Variants in AFF2 observed in about 807,000 individuals in gnomAD.
The protein encoded by AFF2 is ALF transcription elongation factor 2.
A neutral mutation model predicts 76.9 loss-of-function variants in AFF2; 14 were observed. That is an observed-to-expected ratio of 0.18 (90% CI 0.12 to 0.28). AFF2 has a LOEUF of 0.28. AFF2 is among the 10% of genes least tolerant of loss of function. The pLI is 1.00. For missense variants in AFF2, 868 were observed against 1,001.1 expected (o/e 0.87, Z 1.79); for synonymous variants, 398 against 366.7 (o/e 1.09, Z -0.98).
At chrX:148,506,390 A>G (rs2052418256) in intron 1 of AFF2, among the ~76,000 whole-genome samples, 2 of 111,856 alleles carry the variant, frequency 1.8e-5, no homozygotes, top group Admixed American at 9.5e-5. Flanking sequence ...TTTAGCCGTC[A>G]CTGAAACAAA....
intron 3 of AFF2, among the ~76,000 whole-genome samples, chrX:148,697,289 T>C (rs1557261383): frequency 8.9e-6 from 1 of 112,594 alleles, no homozygotes; most frequent in Non-Finnish European, 1.9e-5. Context: ...ATTTTTAATA[T>C]ACCAAATGTT....
At chrX:148,710,437 C>T (rs1412289921) in intron 3 of AFF2, among the ~76,000 whole-genome samples, 1 of 111,653 alleles carries the variant, frequency 9.0e-6, no homozygotes, top group Non-Finnish European at 1.9e-5. Context: ...CAAATGGAAA[C>T]ATTTAAATTC....
At chrX:148,763,470 AT>A (rs1164034107) in intron 3 of AFF2, among the ~76,000 whole-genome samples, 160 of 102,394 alleles carry the variant, frequency 1.6e-3, no homozygotes, top group Admixed American at 3.1e-3. Flanking sequence ...CTTCCACCTG[AT>A]TTTTTTTTTT....
Position 148,880,709 on chromosome X carries a change from T to C in AFF2, c.1263-5180T>C, listed in dbSNP as rs140987902. ...AGAAGTTATAGCTCTATGTTTTAGTTAAGAGCTTAAAACCTGAGTGTAATA... is the reference window on the plus strand; with the variant it reads ...AGAAGTTATAGCTCTATGTTTTAGTCAAGAGCTTAAAACCTGAGTGTAATA... On this transcript the variant is annotated intron_variant, in intron 7 of 20. Coordinates refer to ENST00000370460, the MANE Select transcript of AFF2 (RefSeq NM_002025.4). Among the ~76,000 whole-genome samples, 21 of 111,740 alleles carry C rather than the reference T, an allele frequency of 1.9e-4. No homozygotes were observed. In the East Asian group the frequency reaches 6.0e-3, roughly 32 times the overall value.
At chrX:148,749,947 C>CTCTA (rs376626217) in intron 3 of AFF2, among the ~76,000 whole-genome samples, 2 of 101,739 alleles carry the variant, frequency 2.0e-5, no homozygotes, top group Non-Finnish European at 4.0e-5. Flanking sequence ...GGCCTGCACC[C>CTCTA]TTTATTTATT....
At chrX:148,567,746 C>T (rs1557241873) in intron 1 of AFF2, among the ~76,000 whole-genome samples, 1 of 111,723 alleles carries the variant, frequency 9.0e-6, no homozygotes, top group Non-Finnish European at 1.9e-5. Context: ...TTACTCAGCC[C>T]ATTGTTCTTT....
chrX:148,727,050 T>G (rs116311775), intron 3 of AFF2, among the ~76,000 whole-genome samples: 56 of 112,168 alleles, frequency 5.0e-4, no homozygotes, highest in African/African-American at 1.8e-3. Context: ...ATTTAAATGT[T>G]TATTTATTTA....
chrX:148,662,941 A>G (rs1557258042), intron 3 of AFF2, among the ~76,000 whole-genome samples, 173 bp downstream of exon 3: 1 of 112,222 alleles, frequency 8.9e-6, no homozygotes, highest in Non-Finnish European at 1.9e-5. Context: ...TAACTGATTA[A>G]CACGCTGCAA....
rs370155140 is a variant in AFF2, at chrX:148,919,479, A to G, written c.1397+15221A>G. The stretch of plus-strand genomic sequence containing the variant: ...GGATTTGTCTTTCAAGTGAAAGCAT[A>G]TTGGGAAGCCTTCTGAAACCTCATC... On this transcript the variant is annotated intron_variant, in intron 9 of 20. Coordinates refer to ENST00000370460, the MANE Select transcript of AFF2 (RefSeq NM_002025.4). 3.1e-4 allele frequency among the ~76,000 whole-genome samples: 34 copies of G among 111,064 alleles called. No individual in the cohort carries two copies. In the South Asian group the frequency reaches 0.012, roughly 40 times the overall value.
chrX:148,638,357 C>T (rs977102875), intron 1 of AFF2, among the ~76,000 whole-genome samples: 18 of 110,391 alleles, frequency 1.6e-4, no homozygotes, highest in South Asian at 3.9e-4. Flanking sequence ...CATGGTGGCC[C>T]GGAGGGGAGA....
At chrX:148,644,315 A>C (rs1413373987) in intron 1 of AFF2, among the ~76,000 whole-genome samples, 3 of 111,382 alleles carry the variant, frequency 2.7e-5, no homozygotes, top group African/African-American at 9.8e-5. Flanking sequence ...CTTTATGACC[A>C]AGAGGGTGGC....
At chrX:148,595,116 T>C (rs1316839282) in intron 1 of AFF2, among the ~76,000 whole-genome samples, 1 of 112,063 alleles carries the variant, frequency 8.9e-6, no homozygotes, top group African/African-American at 3.2e-5. Context: ...TGGGACAGAA[T>C]AGCTTTGGAT....
At chrX:148,636,663 T>C (rs2054034472) in intron 1 of AFF2, among the ~76,000 whole-genome samples, 1 of 112,166 alleles carries the variant, frequency 8.9e-6, no homozygotes, top group African/African-American at 3.2e-5. Context: ...TTAATTTTGA[T>C]AGATTGGCTA....
chrX:148,970,929 C>T (rs1327808871), intron 15 of AFF2, among the ~76,000 whole-genome samples: 2 of 111,418 alleles, frequency 1.8e-5, no homozygotes, highest in South Asian at 3.8e-4. Context: ...CTATAGGACA[C>T]TACAATGAGC....
intron 1 of AFF2, among the ~76,000 whole-genome samples, chrX:148,636,328 G>A (rs2054030718): frequency 8.9e-6 from 1 of 112,097 alleles, no homozygotes; most frequent in South Asian, 3.7e-4. Flanking sequence ...ATCAATGAGT[G>A]TCTGATACTT....
At chrX:148,821,062 G>A (rs1557272500) in intron 4 of AFF2, among the ~76,000 whole-genome samples, 1 of 111,005 alleles carries the variant, frequency 9.0e-6, no homozygotes, top group Non-Finnish European at 1.9e-5. Context: ...CTTATAGAGG[G>A]ATAAGTATTA....
chrX:148,985,285 C>CTTTTTTTTTTTTTTTTTTTTT lies in AFF2; in HGVS notation c.3624-2068_3624-2048dup, dbSNP rs151339705. Among the ~76,000 whole-genome samples, 8 of 15,387 alleles carry CTTTTTTTTTTTTTTTTTTTTT rather than the reference C, an allele frequency of 5.2e-4. 4 individuals carry two copies. Among genetic ancestry groups the CTTTTTTTTTTTTTTTTTTTTT allele is most frequent in the Non-Finnish European group, 7.1e-4 (6 of 8,459 alleles). 13.4% of individuals were successfully genotyped at this position (15,387 alleles called of 115,157 possible). A position where few individuals can be genotyped will look rare whatever the true frequency, so the allele number is the denominator to read the frequency against. ...ACAGGCATGAGCCCCTGTGCCTGGC[C>CTTTTTTTTTTTTTTTTTTTTT]TTTTTTTTTTTTTTTTTTTTTTTTT... On this transcript the variant is annotated intron_variant, in intron 19 of 20. Transcript: ENST00000370460.
At position 148,671,772 on chromosome X, in the gene AFF2, C is replaced by T. The variant is rs960197376; in HGVS notation, c.1041+9004C>T. Among the ~76,000 whole-genome samples the T allele has an allele frequency of 1.1e-3, 111 of 101,635 alleles. No individual in the cohort carries two copies. In the Middle Eastern group the frequency reaches 0.015, roughly 14 times the overall value. 88.3% of individuals were successfully genotyped at this position (101,635 alleles called of 115,157 possible). On this transcript the variant is annotated intron_variant, in intron 3 of 20. Coordinates refer to ENST00000370460, the MANE Select transcript of AFF2 (RefSeq NM_002025.4). ...CAGCTGGGGTATTCTTATATTTCAC[C>T]TTTTTTTTTTTTTAAGGTAACAGCT...
intron 3 of AFF2, among the ~76,000 whole-genome samples, chrX:148,748,776 G>A (rs2055458593): frequency 9.0e-6 from 1 of 111,716 alleles, no homozygotes; most frequent in South Asian, 3.7e-4. Flanking sequence ...TTAACCTTTT[G>A]CAGGCCATAG....
Sources: gnomAD v4.1 joint callset for allele counts (sites outside exome capture counted in the v4.1 genomes callset) on GRCh38, gnomAD v4.1.1 for gene constraint, MANE v1.5 for transcripts, NCBI Gene and HGNC (gene_info 2026-07-23, HGNC 2026-07-21) for gene names.